Variants in SP100 observed in about 807,000 individuals in gnomAD.
SP100 encodes SP100 nuclear body protein.
SP100 carries 84 observed loss-of-function variants against 130.0 expected under a neutral mutation model. The ratio of observed to expected loss-of-function variants is 0.65; its 90% CI spans 0.54 to 0.77. The LOEUF (loss-of-function observed/expected upper bound fraction) is 0.77, where lower values mean the gene tolerates loss of function less well. Ranked by LOEUF, SP100 falls within the 30% of genes least tolerant of loss-of-function variation. SP100 has a pLI of 0.00. For missense variants in SP100, 978 were observed against 1,052.2 expected (o/e 0.93, Z 0.97); for synonymous variants, 331 against 351.7 (o/e 0.94, Z 0.66).
chr2:230,512,149 G>C (rs945164801), intron 24 of SP100, among the ~76,000 whole-genome samples: 4 of 152,098 alleles, frequency 2.6e-5, no homozygotes, highest in Non-Finnish European at 5.9e-5. Context: ...TTACAGGCAT[G>C]AGCCACAGTG....
chr2:230,425,906 G>A (rs1274549082), intron 2 of SP100, among the ~76,000 whole-genome samples: 1 of 151,730 alleles, frequency 6.6e-6, no homozygotes, highest in African/African-American at 2.4e-5. Context: ...ATGGAAAGTT[G>A]TTTACTTATT....
Position 230,511,158 on chromosome 2 carries a change from GA to G in SP100, c.2087del (p.Asp696AlafsTer52). On this transcript the variant is annotated frameshift_variant, in exon 24 of 29. Coordinates refer to ENST00000340126, the MANE Select transcript of SP100 (RefSeq NM_001080391.2). LOFTEE classifies it high-confidence loss of function. ...ILESHNNTLVDPCPENSNICE... is the reference protein window; with the variant it reads ...ILESHNNTLVXPCPENSNICE... ...GGAATCTCACAACAATACCTTAGTT[GA>G]CCCTTGTGTAAGTATAAATTTCCGA... 1 of 1,608,656 alleles carries G rather than the reference GA, an allele frequency of 6.2e-7. No homozygotes were observed. Among genetic ancestry groups the G allele is most frequent in the Non-Finnish European group, 8.5e-7 (1 of 1,175,116 alleles).
At chr2:230,432,493 G>A (rs761337684) in intron 2 of SP100, among the ~76,000 whole-genome samples, 1 of 152,140 alleles carries the variant, frequency 6.6e-6, no homozygotes, top group Non-Finnish European at 1.5e-5. Context: ...TTACAGCAAT[G>A]TATAAGGGTT....
At chr2:230,523,171 A>G (rs1407507907) in intron 24 of SP100, among the ~76,000 whole-genome samples, 1 of 152,224 alleles carries the variant, frequency 6.6e-6, no homozygotes, top group Non-Finnish European at 1.5e-5. Flanking sequence ...TTTGGTTCAC[A>G]GCCTTCACCA....
intron 24 of SP100, among the ~76,000 whole-genome samples, chr2:230,530,977 T>C (rs1691672986): frequency 1.3e-5 from 2 of 152,190 alleles, no homozygotes; most frequent in Admixed American, 1.3e-4. Context: ...GGCAGGAGTG[T>C]AAATTAGTTC....
intron 19 of SP100, among the ~76,000 whole-genome samples, chr2:230,500,799 C>T (rs1178148820): frequency 3.9e-5 from 6 of 152,090 alleles, no homozygotes; most frequent in East Asian, 3.9e-4. Context: ...CTGTGGCAAC[C>T]GCATCAACTA....
At chr2:230,453,718 T>A (rs185257238) in intron 8 of SP100, among the ~76,000 whole-genome samples, 319 of 152,328 alleles carry the variant, frequency 2.1e-3, no homozygotes, top group Non-Finnish European at 3.3e-3. Context: ...TATTGAGGAT[T>A]TTTCATATAC....
rs1223588075 is a variant in SP100 at position 230,544,447 on chromosome 2, A to G, written c.*1501A>G. Among the ~76,000 whole-genome samples the G allele has an allele frequency of 6.6e-6, 1 of 152,012 alleles. No homozygotes were observed. Among genetic ancestry groups the G allele is most frequent in the Admixed American group, 6.6e-5 (1 of 15,224 alleles). Reference sequence around the variant, plus strand: ...GGAACTTAAACAAATTTACAAGACAAAAAGAAATAACCCCATTAAAAAGTG... The same window carrying G: ...GGAACTTAAACAAATTTACAAGACAGAAAGAAATAACCCCATTAAAAAGTG... On this transcript the variant is annotated 3_prime_UTR_variant, in exon 29 of 29. Coordinates refer to ENST00000340126, the MANE Select transcript of SP100 (RefSeq NM_001080391.2).
chr2:230,513,675 T>C (rs1483474539), intron 24 of SP100, among the ~76,000 whole-genome samples: 5 of 152,252 alleles, frequency 3.3e-5, no homozygotes, highest in African/African-American at 1.2e-4. Flanking sequence ...TCAGGCCAGT[T>C]TGCTGACAAG....
chr2:230,417,003 A>G, intron 1 of SP100: 1 of 452,466 alleles, frequency 2.2e-6, no homozygotes, highest in Non-Finnish European at 2.9e-6. Flanking sequence ...GAGAAATAAC[A>G]TTACTTAATC....
At chr2:230,462,381 T>C in intron 9 of SP100, 54 bp from the exon 10 acceptor site, 2 of 1,381,232 alleles carry the variant, frequency 1.4e-6, no homozygotes, top group Non-Finnish European at 1.0e-6. Context: ...TCCTGGTGCA[T>C]GGACTCCTTG....
intron 24 of SP100, among the ~76,000 whole-genome samples, chr2:230,519,014 G>A (rs1691048411): frequency 6.6e-6 from 1 of 152,174 alleles, no homozygotes; most frequent in Non-Finnish European, 1.5e-5. Flanking sequence ...AATTTCACTA[G>A]TTTTAAAAGG....
chr2:230,485,739 G>A (rs184612728), intron 17 of SP100, among the ~76,000 whole-genome samples: 58 of 152,114 alleles, frequency 3.8e-4, no homozygotes, highest in Non-Finnish European at 6.6e-4. Flanking sequence ...AAAATGTTGG[G>A]TTTTACTTTG....
At chr2:230,501,430 A>G (rs1305377949) in intron 19 of SP100, among the ~76,000 whole-genome samples, 2 of 152,212 alleles carry the variant, frequency 1.3e-5, no homozygotes, top group East Asian at 1.9e-4. Flanking sequence ...TCCTCTTGAC[A>G]TGTGAATTAT....
intron 24 of SP100, among the ~76,000 whole-genome samples, chr2:230,518,033 T>C (rs1691006848): frequency 6.6e-6 from 1 of 152,090 alleles, no homozygotes; most frequent in African/African-American, 2.4e-5. Flanking sequence ...ACTTAGACTG[T>C]TTGCGAAACG....
At chr2:230,507,705 A>G (rs1690226996) in intron 22 of SP100, among the ~76,000 whole-genome samples, 1 of 152,218 alleles carries the variant, frequency 6.6e-6, no homozygotes, top group African/African-American at 2.4e-5. Context: ...TTCTACATAT[A>G]TAGAAAGGAC....
intron 14 of SP100, chr2:230,469,584 G>A (rs1051580): frequency 0.27 from 119,211 of 447,810 alleles, 18,012 homozygotes; most frequent in Middle Eastern, 0.34. Flanking sequence ...AGGAGAAAAC[G>A]ATGGAAGGAT....
intron 24 of SP100, among the ~76,000 whole-genome samples, chr2:230,518,760 T>C (rs1691038064): frequency 6.6e-6 from 1 of 152,180 alleles, no homozygotes; most frequent in African/African-American, 2.4e-5. Flanking sequence ...GAATATCAGA[T>C]GTTCACTTAA....
In SP100 at chr2:230,442,946, G is replaced by T. The variant is rs535143525; in HGVS notation, c.117G>T (p.Thr39=). The T allele has an allele frequency of 6.2e-7, 1 of 1,613,070 alleles. No individual in the cohort carries two copies. The highest frequency in any genetic ancestry group is 8.5e-7 in the Non-Finnish European group (1 of 1,179,634). ...TGTCCTTTTTCCCTAGGATGTTCAC[G>T]GAAGACCAGGGTGTAGATGACAGGC... ...AHSHDLQRMF[T]EDQGVDDRLL... Residue 39 remains threonine, a synonymous_variant, in exon 3 of 29, where the codon ACG becomes ACT. Coordinates refer to ENST00000340126, the MANE Select transcript of SP100 (RefSeq NM_001080391.2).
Sources: allele counts gnomAD v4.1 joint callset (sites outside exome capture counted in the v4.1 genomes callset), GRCh38; gene constraint gnomAD v4.1.1; transcripts MANE v1.5; gene names NCBI Gene and HGNC (gene_info 2026-07-23, HGNC 2026-07-21).